The following YTHDF2 variants were observed in gnomAD, a reference collection of about 807,000 sequenced individuals.
YTHDF2 encodes YTH N6-methyladenosine RNA binding protein F2, also known as YTH domain-containing family protein 2.
In YTHDF2, 2 loss-of-function variants were observed where a neutral mutation model predicts 50.4. That is an observed-to-expected ratio of 0.04 (90% confidence interval 0.02 to 0.12). The LOEUF is 0.12. Among genes scored for constraint, YTHDF2 ranks in the 10% least tolerant of loss-of-function variants. The pLI, the probability that YTHDF2 is intolerant of heterozygous loss-of-function variation, is 1.00. For synonymous variants in YTHDF2, 217 were observed against 255.6 expected (o/e 0.85, Z 1.44); for missense variants, 483 against 722.6 (o/e 0.67, Z 3.80).
chr1:28,743,178 C>T lies in YTHDF2; in HGVS notation c.908C>T (p.Ser303Phe), dbSNP rs1215585439. ...VQNIGQPTQGSPQPVGQQANN... is the reference protein window; with the variant it reads ...VQNIGQPTQGFPQPVGQQANN... ...AATATAGGTCAGCCAACCCAGGGGT[C>T]TCCTCAGCCTGTAGGTCAGCAGGCT... The change falls in exon 4 of 5, where the codon TCT becomes TTT. Residue 303 changes from serine (S) to phenylalanine (F), a missense_variant. Around this residue, in one of 4 missense-constraint regions of YTHDF2, gnomAD observed 385 missense variants for 475.8 expected, o/e 0.81. Coordinates refer to ENST00000373812, the MANE Select transcript of YTHDF2 (RefSeq NM_016258.3). This position sits in a 1 kb window ranked among gnomAD's most constrained non-coding sequence, Gnocchi z 6.9. 6.2e-7 allele frequency: 1 copy of T among 1,614,072 alleles called. No homozygotes were observed. The highest frequency in any genetic ancestry group is 1.3e-5 in the African/African-American group (1 of 74,936).
chr1:28,737,945 A>C, intron 2 of YTHDF2: 1 of 580,214 alleles, frequency 1.7e-6, no homozygotes, highest in Non-Finnish European at 3.1e-6. Context: ...AGGTCTTAGA[A>C]GGCCTTTGTT....
chr1:28,744,773 A>G (rs2087833513), intron 4 of YTHDF2, among the ~76,000 whole-genome samples: 1 of 152,008 alleles, frequency 6.6e-6, no homozygotes. Context: ...GGCTCAAGTG[A>G]TCCCCCCATC....
At chr1:28,747,671 C>T (rs1308210683) in intron 4 of YTHDF2, among the ~76,000 whole-genome samples, 2 of 149,224 alleles carry the variant, frequency 1.3e-5, no homozygotes, top group Non-Finnish European at 3.0e-5. Context: ...TCCCGCCTCT[C>T]CCTCCGAAAG....
intron 4 of YTHDF2, among the ~76,000 whole-genome samples, chr1:28,764,676 G>A (rs1246776951): frequency 6.6e-6 from 1 of 151,016 alleles, no homozygotes; most frequent in African/African-American, 2.4e-5. Context: ...CAAAGTGCTG[G>A]GATTACAGGC....
chr1:28,765,341 T>C (rs1396808020), intron 4 of YTHDF2, among the ~76,000 whole-genome samples: 19 of 152,124 alleles, frequency 1.2e-4, no homozygotes. Flanking sequence ...GTGTTAAATA[T>C]AACTTAGTGC....
At chr1:28,736,925 T>G, upstream of YTHDF2, 1 of 581,636 alleles carries the variant, frequency 1.7e-6, no homozygotes. Flanking sequence ...GAGACGGGCA[T>G]TGAGCTCTTG....
chr1:28,746,780 A>G (rs10915193), intron 4 of YTHDF2, among the ~76,000 whole-genome samples: 59,853 of 151,166 alleles, frequency 0.4, 12,817 homozygotes, highest in East Asian at 0.78. Context: ...TAGCAAATTT[A>G]GGTTTTGTTA....
At chr1:28,752,580 C>T (rs1452865110) in intron 4 of YTHDF2, among the ~76,000 whole-genome samples, 1 of 152,166 alleles carries the variant, frequency 6.6e-6, no homozygotes. Flanking sequence ...AGGTGTGAGC[C>T]ACCATGCCTG....
chr1:28,737,436 C>T (rs912019841), intron 1 of YTHDF2: 3 of 663,494 alleles, frequency 4.5e-6, no homozygotes, highest in Non-Finnish European at 7.4e-6. Context: ...CCCTGGGTTC[C>T]TCGCGTCGCC....
At chr1:28,765,673 G>A (rs2088205631) in intron 4 of YTHDF2, among the ~76,000 whole-genome samples, 1 of 152,048 alleles carries the variant, frequency 6.6e-6, no homozygotes, top group Non-Finnish European at 1.5e-5. Context: ...GGCTGGTCTT[G>A]AACTCCTGGC....
At chr1:28,765,868 C>T (rs1056785242) in intron 4 of YTHDF2, among the ~76,000 whole-genome samples, 1 of 152,158 alleles carries the variant, frequency 6.6e-6, no homozygotes, top group Non-Finnish European at 1.5e-5. Context: ...GTCTAGACAT[C>T]ATGTCTTTTC....
At chr1:28,739,534 A>G (rs1490849456) in intron 3 of YTHDF2, among the ~76,000 whole-genome samples, 4 of 151,900 alleles carry the variant, frequency 2.6e-5, no homozygotes, top group African/African-American at 9.7e-5. Context: ...TCCTGAGCTC[A>G]AGAGGTCCGC....
At chr1:28,748,427 A>G (rs1306237145) in intron 4 of YTHDF2, among the ~76,000 whole-genome samples, 2 of 152,176 alleles carry the variant, frequency 1.3e-5, no homozygotes, top group African/African-American at 4.8e-5. Flanking sequence ...TTCATGCCAG[A>G]TGGGTGGTAA....
At chr1:28,740,111 G>GA (rs1024085117) in intron 3 of YTHDF2, among the ~76,000 whole-genome samples, 2 of 152,150 alleles carry the variant, frequency 1.3e-5, no homozygotes, top group Non-Finnish European at 2.9e-5. Context: ...CAAGTGATTG[G>GA]AAAAAAGTTT....
chr1:28,758,104 C>T (rs933775877), intron 4 of YTHDF2, among the ~76,000 whole-genome samples: 2 of 152,158 alleles, frequency 1.3e-5, no homozygotes, highest in African/African-American at 4.8e-5. Flanking sequence ...TATCTTCATA[C>T]TTATTTAAAA....
At chr1:28,740,196 A>G (rs979618267) in intron 3 of YTHDF2, 1 of 152,230 alleles carries the variant, frequency 6.6e-6, no homozygotes, top group African/African-American at 2.4e-5. Context: ...GGTTCCTGCT[A>G]TTGAAGTAGT....
intron 4 of YTHDF2, among the ~76,000 whole-genome samples, chr1:28,760,096 C>G (rs1411602056): frequency 6.6e-6 from 1 of 152,196 alleles, no homozygotes; most frequent in Non-Finnish European, 1.5e-5. Context: ...GGAAAGTCTT[C>G]AGAAGCAGTA....
chr1:28,739,940 C>G (rs1557538642), intron 3 of YTHDF2, among the ~76,000 whole-genome samples: 1 of 152,112 alleles, frequency 6.6e-6, no homozygotes, highest in Non-Finnish European at 1.5e-5. Context: ...CCAAAATGCC[C>G]TGAAAGGTCA....
chr1:28,740,603 G>A (rs1355365823), intron 3 of YTHDF2, among the ~76,000 whole-genome samples: 2 of 152,148 alleles, frequency 1.3e-5, no homozygotes, highest in African/African-American at 4.8e-5. Context: ...TCTTATATAT[G>A]TGGATTTGGG....
Sources: allele counts gnomAD v4.1 joint callset (sites outside exome capture counted in the v4.1 genomes callset), GRCh38; gene constraint gnomAD v4.1.1; regional missense constraint gnomAD v4.1.1; non-coding constraint Gnocchi (gnomAD v3.1); transcripts MANE v1.5; gene names NCBI Gene and HGNC (gene_info 2026-07-23, HGNC 2026-07-21).